The following SPEF2 variants were observed in gnomAD, a reference collection of about 807,000 sequenced individuals.
The protein encoded by SPEF2 is sperm flagellar and cilia associated 2.
Under a neutral mutation model 224.6 loss-of-function variants are expected in SPEF2, and 187 were observed. The observed-to-expected ratio is 0.83, with a 90% CI of 0.74 to 0.94. SPEF2 has a LOEUF of 0.94. Among genes scored for constraint, SPEF2 ranks in the 40% least tolerant of loss-of-function variants. SPEF2 has a pLI of 0.00. For synonymous variants in SPEF2, 715 were observed against 707.3 expected (o/e 1.01, Z -0.17); for missense variants, 2,170 against 2,135.6 (o/e 1.02, Z -0.32).
intron 2 of SPEF2, among the ~76,000 whole-genome samples, chr5:35,640,107 A>G (rs1429303758): frequency 6.6e-6 from 1 of 152,314 alleles, no homozygotes; most frequent in East Asian, 1.9e-4. Flanking sequence ...TATTAACTGC[A>G]TTCTGGGAGC....
intron 1 of SPEF2, among the ~76,000 whole-genome samples, chr5:35,621,195 G>A (rs1325471193): frequency 1.3e-5 from 2 of 152,148 alleles, no homozygotes; most frequent in Non-Finnish European, 2.9e-5. Context: ...AGTATTGTGG[G>A]AGCTTGTGGA....
intron 20 of SPEF2, among the ~76,000 whole-genome samples, chr5:35,726,966 C>A (rs1022720731): frequency 7.1e-6 from 1 of 141,544 alleles, no homozygotes; most frequent in African/African-American, 2.6e-5. Context: ...TCCTCTTTCT[C>A]GTTTTCTTCC....
chr5:35,667,178 A>G lies in SPEF2; in HGVS notation c.1274A>G (p.His425Arg). 1 of 1,612,280 alleles carries G rather than the reference A, an allele frequency of 6.2e-7. No homozygotes were observed. ...AGAGCTCAAGCTCGTTATGAAAAGCATTATTCAGTATGTGCAGAAATTTTG... is the reference window on the plus strand; with the variant it reads ...AGAGCTCAAGCTCGTTATGAAAAGCGTTATTCAGTATGTGCAGAAATTTTG... ...VERAQARYEK[H>R]YSVCAEILDQ... is the part of the protein sequence containing the mutation. The change falls in exon 9 of 37, where the codon CAT becomes CGT. Residue 425 changes from histidine (H) to arginine (R), a missense_variant. His to Arg is a conservative substitution (Grantham distance 29, BLOSUM62 0). Transcript: ENST00000356031.
At chr5:35,714,374 A>G (rs1742069190) in intron 20 of SPEF2, among the ~76,000 whole-genome samples, 1 of 151,708 alleles carries the variant, frequency 6.6e-6, no homozygotes. Context: ...TATGTCATGC[A>G]TACACCCTCA....
At chr5:35,757,217 A>G (rs1189819604) in intron 24 of SPEF2, among the ~76,000 whole-genome samples, 12 of 152,060 alleles carry the variant, frequency 7.9e-5, no homozygotes, top group Admixed American at 7.2e-4. Context: ...AATCTTGGAT[A>G]TAGTATGGCA....
chr5:35,743,559 G>A (rs923161177), intron 23 of SPEF2, among the ~76,000 whole-genome samples: 29 of 152,062 alleles, frequency 1.9e-4, no homozygotes, highest in African/African-American at 6.5e-4. Context: ...CTGAAGTTAA[G>A]TTAAAAAAAT....
intron 15 of SPEF2, chr5:35,699,219 A>T (rs1384691541): frequency 1.3e-5 from 2 of 152,172 alleles, no homozygotes; most frequent in Non-Finnish European, 2.9e-5. Context: ...AGACTCAGAA[A>T]CCTTTGGAAA....
intron 1 of SPEF2, among the ~76,000 whole-genome samples, chr5:35,626,526 G>T (rs1478267900): frequency 6.6e-6 from 1 of 152,052 alleles, no homozygotes; most frequent in African/African-American, 2.4e-5. Context: ...TTCTTTACTT[G>T]TTGCTAAAGT....
chr5:35,664,261 C>G (rs1275006039), intron 8 of SPEF2, among the ~76,000 whole-genome samples: 1 of 126,028 alleles, frequency 7.9e-6, no homozygotes, highest in African/African-American at 3.1e-5. Flanking sequence ...CACGTTTGCT[C>G]TTGCTCATGA....
At position 35,682,902 on chromosome 5, in the gene SPEF2, A is replaced by G. The variant is rs542709640; in HGVS notation, c.1525-8135A>G. Among the ~76,000 whole-genome samples, 84 of 152,316 alleles carry G rather than the reference A, an allele frequency of 5.5e-4. 4 individuals carry two copies. The South Asian group carries it at 0.017, about 31-fold the overall frequency. On this transcript the variant is annotated intron_variant, in intron 10 of 36. Coordinates refer to ENST00000356031, the MANE Select transcript of SPEF2 (RefSeq NM_024867.4). ...CAGGGGTAATCGGCAGCATCATTCA[A>G]TCACTTGGGCAACGTTACAATCAAG...
At position 35,793,243 on chromosome 5, in the gene SPEF2, C is replaced by T; in HGVS notation, c.4639C>T (p.Pro1547Ser). The change falls in exon 32 of 37, where the codon CCC becomes TCC. Residue 1547 changes from proline (P) to serine (S), a missense_variant. Coordinates refer to ENST00000356031, the MANE Select transcript of SPEF2 (RefSeq NM_024867.4). ...KFLLVTSMPW[P>S]IPLEEELLET... is the part of the protein sequence containing the mutation. The stretch of plus-strand genomic sequence containing the variant: ...CCTGTTAGTAACCTCAATGCCTTGG[C>T]CCATTCCCTTGGAGGAGGAGCTCCT... 1.2e-6 allele frequency: 2 copies of T among 1,614,194 alleles called. No homozygotes were observed. Among genetic ancestry groups the T allele is most frequent in the Non-Finnish European group, 1.7e-6 (2 of 1,180,026 alleles).
chr5:35,695,853 G>A (rs1755236129), intron 14 of SPEF2, 57 bp downstream of exon 14: 1 of 1,376,516 alleles, frequency 7.3e-7, no homozygotes, highest in Non-Finnish European at 1.0e-6. Context: ...CATGATTAAT[G>A]GTGTTTTGGA....
chr5:35,739,265 A>C (rs1447390317), intron 21 of SPEF2, among the ~76,000 whole-genome samples: 1 of 152,204 alleles, frequency 6.6e-6, no homozygotes, highest in Non-Finnish European at 1.5e-5. Context: ...GTAAATGATG[A>C]TGTTACAATT....
At chr5:35,739,392 AT>A (rs919338703) in intron 21 of SPEF2, among the ~76,000 whole-genome samples, 2 of 151,954 alleles carry the variant, frequency 1.3e-5, no homozygotes, top group Non-Finnish European at 2.9e-5. Context: ...ATAAACAGTT[AT>A]TTTTTTTAGA....
At chr5:35,779,370 A>T (rs778256884) in intron 30 of SPEF2, 24 bp downstream of exon 30, 1 of 1,553,060 alleles carries the variant, frequency 6.4e-7, no homozygotes, top group South Asian at 1.2e-5. Context: ...TTATCATGAA[A>T]AGAGCACAAA....
At position 35,807,126 on chromosome 5, in the gene SPEF2, T is replaced by C; in HGVS notation, c.5257-5T>C. The C allele has an allele frequency of 5.0e-6, 8 of 1,608,942 alleles. No homozygotes were observed. The highest frequency in any genetic ancestry group is 6.8e-6 in the Non-Finnish European group (8 of 1,178,860). On this transcript the variant is annotated splice_polypyrimidine_tract_variant and splice_region_variant and intron_variant, in intron 35 of 36. Transcript: ENST00000356031. ...GATTAACTTCATTTTTTTTCTTCCTTAAAGGGCTTCATAAAAACATTTCAA... is the reference window on the plus strand; with the variant it reads ...GATTAACTTCATTTTTTTTCTTCCTCAAAGGGCTTCATAAAAACATTTCAA...
intron 30 of SPEF2, among the ~76,000 whole-genome samples, chr5:35,782,859 T>A (rs1390536439): frequency 6.6e-6 from 1 of 152,184 alleles, no homozygotes; most frequent in African/African-American, 2.4e-5. Context: ...TGATTCTACC[T>A]CTCTTTTGGT....
At chr5:35,631,100 C>T (rs1745044813) in intron 2 of SPEF2, among the ~76,000 whole-genome samples, 1 of 152,122 alleles carries the variant, frequency 6.6e-6, no homozygotes, top group Non-Finnish European at 1.5e-5. Flanking sequence ...CTTATAGTTC[C>T]ACATGGATGG....
In SPEF2 at chr5:35,654,679, C is replaced by A; in HGVS notation, c.931C>A (p.Arg311=). Residue 311 remains arginine (R), a synonymous_variant, in exon 7 of 37, where the codon CGG becomes AGG. Transcript: ENST00000356031. ...AFAREQREKR[R]RKLLMDQLIA... is the part of the protein sequence containing the mutation. ...TGCACGAGAGCAAAGGGAGAAAAGA[C>A]GGCGGAAATTGTTAATGGACCAGTT... is the stretch of plus-strand genomic sequence containing the variant. The A allele has an allele frequency of 5.0e-6, 8 of 1,611,638 alleles. No individual in the cohort carries two copies. The highest frequency in any genetic ancestry group is 6.8e-6 in the Non-Finnish European group (8 of 1,179,524).
Sources: allele counts gnomAD v4.1 joint callset (sites outside exome capture counted in the v4.1 genomes callset), GRCh38; gene constraint gnomAD v4.1.1; transcripts MANE v1.5; gene names NCBI Gene and HGNC (gene_info 2026-07-23, HGNC 2026-07-21).